The following ZRANB3 variants were observed in gnomAD, a reference collection of about 807,000 sequenced individuals.
The protein encoded by ZRANB3 is DNA annealing helicase and endonuclease ZRANB3.
In ZRANB3, 125 loss-of-function variants were observed where a neutral mutation model predicts 133.8. The ratio of observed to expected loss-of-function variants is 0.93; its 90% CI spans 0.81 to 1.08. The LOEUF is 1.08. Ranked by LOEUF, ZRANB3 falls within the 50% of genes least tolerant of loss-of-function variation. ZRANB3 has a pLI of 0.00. For missense variants in ZRANB3, 1,229 were observed against 1,275.5 expected, an observed-to-expected ratio of 0.96 and a Z score of 0.56; for synonymous variants, 387 against 432.7, an observed-to-expected ratio of 0.89 and a Z score of 1.31.
chr2:135,441,810 C>T (rs1049378916), intron 2 of ZRANB3, among the ~76,000 whole-genome samples: 3 of 151,908 alleles, frequency 2.0e-5, no homozygotes, highest in African/African-American at 4.8e-5. Context: ...TTTTAAAAGG[C>T]TAAAAATTTA....
intron 3 of ZRANB3, among the ~76,000 whole-genome samples, chr2:135,358,313 GTATC>G (rs1311270673): frequency 6.6e-6 from 1 of 151,980 alleles, no homozygotes; most frequent in Non-Finnish European, 1.5e-5. Context: ...TTTTATCTTC[GTATC>G]TACATGCACA....
intron 12 of ZRANB3, among the ~76,000 whole-genome samples, chr2:135,254,999 C>A (rs1156662036): frequency 6.6e-6 from 1 of 152,084 alleles, no homozygotes; most frequent in African/African-American, 2.4e-5. Context: ...GATCTGCCTG[C>A]CTCGGCCTCC....
intron 8 of ZRANB3, among the ~76,000 whole-genome samples, chr2:135,287,009 G>A (rs1261877390): frequency 6.6e-6 from 1 of 152,174 alleles, no homozygotes; most frequent in Non-Finnish European, 1.5e-5. Flanking sequence ...CCAATATCTA[G>A]AAGGGGTTGT....
In ZRANB3 at chr2:135,318,212, TTGTGTGTGTGTGTGTGTG is replaced by T. The variant is rs58455313; in HGVS notation, c.678-2700_678-2683del. 3.1e-3 allele frequency among the ~76,000 whole-genome samples: 421 copies of T among 136,968 alleles called. 1 individual carries two copies. Among genetic ancestry groups the T allele is most frequent in the African/African-American group, 9.3e-3 (346 of 37,146 alleles). 89.9% of individuals were successfully genotyped at this position (136,968 alleles called of 152,430 possible). On this transcript the variant is annotated intron_variant, in intron 6 of 20. Transcript: ENST00000264159. ...TTTCCTATGCTATTTACACACTATT[TTGTGTGTGTGTGTGTGTG>T]TGTGTGTGTGTGTGTGTGTGTGTGT...
chr2:135,350,250 T>A (rs1180086748), intron 4 of ZRANB3, 35 bp from the exon 5 acceptor site: 3 of 1,469,822 alleles, frequency 2.0e-6, no homozygotes, highest in Non-Finnish European at 2.8e-6. Flanking sequence ...AAAAAATATC[T>A]CAGTAATGAC....
intron 8 of ZRANB3, among the ~76,000 whole-genome samples, chr2:135,295,877 C>G (rs1439597962): frequency 3.9e-5 from 6 of 152,158 alleles, no homozygotes; most frequent in African/African-American, 1.4e-4. Context: ...GTTGAAAATT[C>G]TTTTCTTTAA....
At chr2:135,228,559 C>T (rs1000952459) in intron 13 of ZRANB3, among the ~76,000 whole-genome samples, 8 of 151,932 alleles carry the variant, frequency 5.3e-5, no homozygotes, top group African/African-American at 1.9e-4. Context: ...AATATGGAGG[C>T]TATTGAGGTC....
chr2:135,431,302 T>C (rs775162340), intron 2 of ZRANB3, among the ~76,000 whole-genome samples: 17 of 150,980 alleles, frequency 1.1e-4, no homozygotes, highest in South Asian at 2.1e-4. Context: ...AATGTGTATA[T>C]GTAAATATAT....
chr2:135,276,071 T>C (rs554324887), intron 8 of ZRANB3, among the ~76,000 whole-genome samples: 1 of 152,146 alleles, frequency 6.6e-6, no homozygotes, highest in South Asian at 2.1e-4. Context: ...GTTGGCAGTT[T>C]TGTTTAGAAG....
At chr2:135,272,688 G>A (rs1417995939) in intron 9 of ZRANB3, among the ~76,000 whole-genome samples, 2 of 151,882 alleles carry the variant, frequency 1.3e-5, no homozygotes. Context: ...GGAAAATAGA[G>A]CTTTTAATTC....
intron 12 of ZRANB3, among the ~76,000 whole-genome samples, chr2:135,248,802 A>T (rs1320092495): frequency 6.6e-6 from 1 of 152,088 alleles, no homozygotes; most frequent in Non-Finnish European, 1.5e-5. Context: ...GCTACTCAGG[A>T]GGTTGAGGCA....
intron 2 of ZRANB3, among the ~76,000 whole-genome samples, chr2:135,473,792 C>T (rs896568918): frequency 3.9e-5 from 6 of 152,112 alleles, no homozygotes; most frequent in Non-Finnish European, 8.8e-5. Flanking sequence ...TGGCCCAGGG[C>T]AGAAGTCACT....
chr2:135,324,324 A>C (rs1023621079), intron 6 of ZRANB3, among the ~76,000 whole-genome samples: 12 of 149,974 alleles, frequency 8.0e-5, no homozygotes, highest in Admixed American at 2.0e-4. Context: ...GAGTGAGAAT[A>C]TGCGATGTTT....
At chr2:135,449,934 A>ATTATT (rs1690190834) in intron 2 of ZRANB3, among the ~76,000 whole-genome samples, 1 of 152,068 alleles carries the variant, frequency 6.6e-6, no homozygotes, top group South Asian at 2.1e-4. Flanking sequence ...ATTTTTGTAT[A>ATTATT]TTTTGTAGAG....
intron 2 of ZRANB3, among the ~76,000 whole-genome samples, chr2:135,450,181 T>C (rs1266641909): frequency 6.6e-6 from 1 of 151,904 alleles, no homozygotes; most frequent in African/African-American, 2.4e-5. Context: ...TAGAATAACT[T>C]GTTTATTCTG....
At chr2:135,435,997 C>T (rs1689516379) in intron 2 of ZRANB3, among the ~76,000 whole-genome samples, 1 of 152,164 alleles carries the variant, frequency 6.6e-6, no homozygotes, top group African/African-American at 2.4e-5. Context: ...TTAGATCCCA[C>T]TTGTCAACTT....
chr2:135,412,422 C>T (rs183537189), intron 2 of ZRANB3, among the ~76,000 whole-genome samples: 1 of 152,102 alleles, frequency 6.6e-6, no homozygotes, highest in Non-Finnish European at 1.5e-5. Context: ...GTCATTTTTA[C>T]TACTTATAAA....
intron 3 of ZRANB3, among the ~76,000 whole-genome samples, chr2:135,385,965 T>C (rs1161043671): frequency 3.3e-5 from 5 of 152,010 alleles, no homozygotes; most frequent in African/African-American, 4.8e-5. Context: ...CCAAAAGCAA[T>C]GGCAACAAAA....
intron 6 of ZRANB3, among the ~76,000 whole-genome samples, chr2:135,338,150 T>C (rs1684452826): frequency 6.6e-6 from 1 of 152,340 alleles, no homozygotes; most frequent in South Asian, 2.1e-4. Flanking sequence ...ATGTTATTCA[T>C]GTCAAGAAGT....
Sources: allele counts gnomAD v4.1 joint callset (sites outside exome capture counted in the v4.1 genomes callset), GRCh38; gene constraint gnomAD v4.1.1; transcripts MANE v1.5; gene names NCBI Gene and HGNC (gene_info 2026-07-23, HGNC 2026-07-21).